NCOR2: variants seen among roughly 807,000 people sequenced by gnomAD.
NCOR2 encodes nuclear receptor corepressor 2, also known as CTG repeat protein 26.
In NCOR2, 81 loss-of-function variants were observed where a neutral mutation model predicts 262.9. That is an observed-to-expected ratio of 0.31 (90% CI 0.26 to 0.37). The LOEUF (loss-of-function observed/expected upper bound fraction) is 0.37, where lower values mean the gene tolerates loss of function less well. Ranked by LOEUF, NCOR2 falls within the 10% of genes least tolerant of loss-of-function variation. The probability of loss-of-function intolerance (pLI) is 1.00; values close to 1 mark genes in which losing one functional copy is unlikely to be tolerated. For missense variants in NCOR2, 3,385 were observed against 3,621.4 expected (o/e 0.93, Z 1.68); for synonymous variants, 1,659 against 1,559.3 (o/e 1.06, Z -1.51).
rs1018448253 is a variant in NCOR2 at position 124,482,499 on chromosome 12, G to A, written c.411+1097C>T. On this transcript the variant is annotated intron_variant, in intron 3 of 46. Transcript: ENST00000405201. This position sits in a 1 kb window ranked among gnomAD's most constrained non-coding sequence, Gnocchi z 6.3. ...CAGACCACCACCCATGCCGGCTCACGGGTGCCAAATAGTTCCCACGCATGG... is the reference window on the plus strand; with the variant it reads ...CAGACCACCACCCATGCCGGCTCACAGGTGCCAAATAGTTCCCACGCATGG... Among the ~76,000 whole-genome samples, 10 of 152,122 alleles carry A rather than the reference G, an allele frequency of 6.6e-5. No homozygotes were observed. The highest frequency in any genetic ancestry group is 1.9e-4 in the East Asian group (1 of 5,182).
chr12:124,350,221 G>A (rs1321709195), intron 28 of NCOR2, among the ~76,000 whole-genome samples: 2 of 152,198 alleles, frequency 1.3e-5, no homozygotes, highest in African/African-American at 2.4e-5. Flanking sequence ...ACAGTGGGGC[G>A]AGGGGCACTC....
intron 1 of NCOR2, chr12:124,529,587 G>A (rs1042498910): frequency 6.6e-6 from 1 of 152,278 alleles, no homozygotes; most frequent in Non-Finnish European, 1.5e-5. Context: ...GCAGCCGGAC[G>A]AGAAGCAGTC....
intron 16 of NCOR2, among the ~76,000 whole-genome samples, chr12:124,395,558 CA>C (rs1191283807): frequency 1.3e-5 from 2 of 152,232 alleles, no homozygotes; most frequent in African/African-American, 4.8e-5. Flanking sequence ...ACTGAGGACC[CA>C]ACCTTGAGAT....
exon 41 of NCOR2, chr12:124,334,514 T>C: frequency 6.9e-7 from 1 of 1,439,776 alleles, no homozygotes; most frequent in Non-Finnish European, 9.1e-7. Context: ...GCGGCGGAGG[T>C]CCAGGACGGG....
intron 33 of NCOR2, 115 bp from the exon 36 acceptor site, chr12:124,342,189 G>T: frequency 7.8e-7 from 1 of 1,277,158 alleles, no homozygotes; most frequent in Non-Finnish European, 1.1e-6. Flanking sequence ...CCACCTACAT[G>T]TGTGGCTGCC....
chr12:124,363,790 G>T, exon 21 of NCOR2: 1 of 1,362,702 alleles, frequency 7.3e-7, no homozygotes. Flanking sequence ...TGGGCCTTGG[G>T]GACAGCAGCC....
intron 1 of NCOR2, among the ~76,000 whole-genome samples, chr12:124,510,667 G>T (rs750099721): frequency 1.1e-4 from 17 of 152,196 alleles, no homozygotes; most frequent in Non-Finnish European, 2.4e-4. Flanking sequence ...TAGGTTAGAG[G>T]AGACTGTTGT....
At chr12:124,345,078 G>A in intron 31 of NCOR2, 127 bp from the exon 34 acceptor site, 2 of 864,270 alleles carry the variant, frequency 2.3e-6, no homozygotes, top group Non-Finnish European at 3.5e-6. Context: ...GCCTCCAGAG[G>A]CAGGGAGACA....
rs138507431 is a variant in NCOR2 at position 124,358,022 on chromosome 12, ATGTG to A, written c.3101-1244_3101-1241del. The stretch of plus-strand genomic sequence containing the variant: ...TGTGTGTGTGTGCACACGTGCGTGC[ATGTG>A]TGTGTGAGTGCATGGATGTGTGTGT... On this transcript the variant is annotated intron_variant, in intron 22 of 46. Coordinates refer to ENST00000405201, the Ensembl canonical transcript of NCOR2. 7.3e-3 allele frequency among the ~76,000 whole-genome samples: 702 copies of A among 96,510 alleles called. 6 individuals are homozygous for A. The highest frequency in any genetic ancestry group is 0.025 in the African/African-American group (624 of 24,784). The allele number at this position is 96,510 out of a possible 152,430, so 63.3% of individuals were successfully genotyped here.
At chr12:124,372,033 G>T (rs759359540) in exon 20 of NCOR2, 5 of 1,588,498 alleles carry the variant, frequency 3.1e-6, no homozygotes, top group Non-Finnish European at 4.3e-6. Flanking sequence ...GGTTCTTGTC[G>T]CCGCCCTCGG....
At chr12:124,353,663 CATGCTGTTCCCTGAGCCTAGA>C (rs1389488856) in intron 27 of NCOR2, among the ~76,000 whole-genome samples, 1 of 152,260 alleles carries the variant, frequency 6.6e-6, no homozygotes, top group African/African-American at 2.4e-5. Flanking sequence ...TGTCTTTGCA[CATGCTGTTCCCTGAGCCTAGA>C]ATGCTGTTCC....
At position 124,454,602 on chromosome 12, in the gene NCOR2, G is replaced by A. The variant is rs1410693595; in HGVS notation, c.762+2504C>T. Among the ~76,000 whole-genome samples, 4 of 152,140 alleles carry A rather than the reference G, an allele frequency of 2.6e-5. No homozygotes were observed. Among genetic ancestry groups the A allele is most frequent in the Admixed American group, 6.5e-5 (1 of 15,274 alleles). On this transcript the variant is annotated intron_variant, in intron 6 of 46. Coordinates refer to ENST00000405201, the Ensembl canonical transcript of NCOR2. The surrounding 1 kb of genome is among the most constrained non-coding windows in gnomAD (Gnocchi z 5.6). ...TCAGGAAACGGGAGCGGGAGGACCC[G>A]GAAATCTGGAAATGCTTGGGAACTT... is the stretch of plus-strand genomic sequence containing the variant.
chr12:124,544,344 T>G (rs990217273), intron 1 of NCOR2, among the ~76,000 whole-genome samples: 1 of 152,170 alleles, frequency 6.6e-6, no homozygotes, highest in Non-Finnish European at 1.5e-5. Context: ...TGGGGACCCC[T>G]GAATCTGCAG....
intron 45 of NCOR2, among the ~76,000 whole-genome samples, chr12:124,327,132 G>C (rs560378109): frequency 6.6e-6 from 1 of 152,178 alleles, no homozygotes; most frequent in African/African-American, 2.4e-5. Flanking sequence ...CGGGAGGACT[G>C]GGGGGCGGAC....
At chr12:124,473,127 C>T (rs893963582) in exon 4 of NCOR2, 16 of 1,613,702 alleles carry the variant, frequency 9.9e-6, no homozygotes, top group South Asian at 2.2e-5. Flanking sequence ...CGTCAGGCTA[C>T]GGTCCTGTGG....
intron 33 of NCOR2, 73 bp from the exon 36 acceptor site, chr12:124,342,147 T>C (rs1220337838): frequency 4.0e-6 from 6 of 1,497,588 alleles, no homozygotes; most frequent in Non-Finnish European, 5.4e-6. Flanking sequence ...CCTGTCTGGA[T>C]GCCCCCTACT....
chr12:124,369,714 A>T (rs2039334935), intron 20 of NCOR2, among the ~76,000 whole-genome samples: 1 of 152,058 alleles, frequency 6.6e-6, no homozygotes, highest in Non-Finnish European at 1.5e-5. Flanking sequence ...GGCGGGACAA[A>T]CCAGGTGTCC....
chr12:124,487,418 G>A (rs189364009), intron 1 of NCOR2, among the ~76,000 whole-genome samples: 102 of 152,342 alleles, frequency 6.7e-4, no homozygotes, highest in Non-Finnish European at 1.3e-3. Context: ...ATAACACACC[G>A]TCGTCCATTT....
rs117932428 is a variant in NCOR2 at position 124,447,968 on chromosome 12, G to A, written c.815+1847C>T. Among the ~76,000 whole-genome samples, 31 of 152,334 alleles carry A rather than the reference G, an allele frequency of 2.0e-4. No individual in the cohort carries two copies. In the East Asian group the frequency reaches 5.8e-3, roughly 28 times the overall value. On this transcript the variant is annotated intron_variant, in intron 7 of 46. Coordinates refer to ENST00000405201, the Ensembl canonical transcript of NCOR2. The stretch of plus-strand genomic sequence containing the variant: ...CAAAGTGCTCGGATTATAGGCATGA[G>A]CCACTGCACCCGGCTGTATTAGCTG...
Sources: gnomAD v4.1 joint callset for allele counts (sites outside exome capture counted in the v4.1 genomes callset) on GRCh38, gnomAD v4.1.1 for gene constraint, Gnocchi (gnomAD v3.1) non-coding constraint, MANE v1.5 for transcripts, NCBI Gene and HGNC (gene_info 2026-07-23, HGNC 2026-07-21) for gene names.